The following AP2A1 variants were observed in gnomAD, a reference collection of about 807,000 sequenced individuals.
AP2A1 encodes adaptor related protein complex 2 subunit alpha 1.
In AP2A1, 21 loss-of-function variants were observed where a neutral mutation model predicts 107.3. The ratio of observed to expected loss-of-function variants is 0.20; its 90% CI spans 0.14 to 0.28. The LOEUF (loss-of-function observed/expected upper bound fraction) is 0.28, where lower values mean the gene tolerates loss of function less well. Among genes scored for constraint, AP2A1 ranks in the 10% least tolerant of loss-of-function variants. The pLI is 1.00. For missense variants in AP2A1, 873 were observed against 1,307.7 expected (o/e 0.67, Z 5.13); for synonymous variants, 602 against 564.8 (o/e 1.07, Z -0.93).
intron 11 of AP2A1, among the ~76,000 whole-genome samples, chr19:49,800,449 T>TTTTGTTTG (rs368442416): frequency 3.9e-5 from 6 of 152,128 alleles, no homozygotes; most frequent in Admixed American, 1.3e-4. Flanking sequence ...CAGTCCTGTT[T>TTTTGTTTG]TTTGTTTGTT....
chr19:49,803,339 C>T lies in AP2A1; in HGVS notation c.2307C>T (p.Phe769=), dbSNP rs369687403. 2.6e-4 allele frequency: 424 copies of T among 1,613,846 alleles called. No individual in the cohort carries two copies. Among genetic ancestry groups the T allele is most frequent in the Non-Finnish European group, 3.0e-4 (356 of 1,179,894 alleles). ...AGACCTCGGTGCAGTTCCAGAATTTCTCACCCACTGTGGTTCACCCGGGAG... is the reference window on the plus strand; with the variant it reads ...AGACCTCGGTGCAGTTCCAGAATTTTTCACCCACTGTGGTTCACCCGGGAG... ...GNKTSVQFQN[F]SPTVVHPGDL... The change falls in exon 18 of 23, where the codon TTC becomes TTT. Residue 769 remains phenylalanine, a synonymous_variant. Transcript: ENST00000354293.
At chr19:49,784,311 C>T (rs2084712073) in intron 4 of AP2A1, among the ~76,000 whole-genome samples, 1 of 152,088 alleles carries the variant, frequency 6.6e-6, no homozygotes, top group Non-Finnish European at 1.5e-5. Flanking sequence ...CCTGTAATCC[C>T]AGCTCCTCTG....
intron 1 of AP2A1, among the ~76,000 whole-genome samples, chr19:49,773,492 T>TTGAA (rs887671893): frequency 1.9e-4 from 29 of 152,238 alleles, no homozygotes; most frequent in African/African-American, 6.7e-4. Context: ...TGATTGCCAG[T>TTGAA]TGAATGAATG....
Position 49,788,900 on chromosome 19 carries a change from G to T in AP2A1, c.474-3035G>T, listed in dbSNP as rs972554001. On this transcript the variant is annotated intron_variant, in intron 4 of 22. Transcript: ENST00000354293. The surrounding 1 kb of genome is among the most constrained non-coding windows in gnomAD (Gnocchi z 4.5). ...GTGAGCGTCTGGGGGCAGCACTGCT[G>T]GTCTTGGTCTGCTGCACACACAGCA... Among the ~76,000 whole-genome samples, 1 of 152,198 alleles carries T rather than the reference G, an allele frequency of 6.6e-6. No individual in the cohort carries two copies. The highest frequency in any genetic ancestry group is 1.5e-5 in the Non-Finnish European group (1 of 68,028).
intron 1 of AP2A1, among the ~76,000 whole-genome samples, chr19:49,768,160 G>A (rs1034362531): frequency 2.6e-5 from 4 of 152,108 alleles, no homozygotes; most frequent in South Asian, 2.1e-4. Context: ...AGGACAGGCA[G>A]GGATCTGAGC....
intron 15 of AP2A1, 94 bp downstream of exon 15, chr19:49,802,235 G>A (rs372342266): frequency 3.6e-5 from 26 of 717,248 alleles, no homozygotes; most frequent in South Asian, 1.3e-4. Context: ...CCCCTCCCCC[G>A]CCCCCGACTC....
intron 1 of AP2A1, among the ~76,000 whole-genome samples, chr19:49,778,807 A>G (rs1038799025): frequency 6.6e-6 from 1 of 151,904 alleles, no homozygotes; most frequent in Non-Finnish European, 1.5e-5. Context: ...TAATACATAT[A>G]TTTAAATAAC....
At chr19:49,772,861 G>T (rs1403965487) in intron 1 of AP2A1, among the ~76,000 whole-genome samples, 2 of 152,066 alleles carry the variant, frequency 1.3e-5, no homozygotes, top group East Asian at 1.9e-4. Flanking sequence ...TGAGAAAAGG[G>T]CTGTGTGGCT....
At chr19:49,770,115 C>T (rs1416366790) in intron 1 of AP2A1, among the ~76,000 whole-genome samples, 4 of 152,130 alleles carry the variant, frequency 2.6e-5, no homozygotes, top group East Asian at 1.9e-4. Flanking sequence ...GTGATCTGCC[C>T]GCCTTGGCCT....
At chr19:49,773,157 G>C (rs12608893) in intron 1 of AP2A1, among the ~76,000 whole-genome samples, 18,283 of 152,156 alleles carry the variant, frequency 0.12, 1,239 homozygotes, top group East Asian at 0.2. Flanking sequence ...CAGATAAGGA[G>C]GGGGAGAGGT....
chr19:49,781,066 G>A (rs1459325277), intron 1 of AP2A1, among the ~76,000 whole-genome samples: 2 of 152,092 alleles, frequency 1.3e-5, no homozygotes, highest in Non-Finnish European at 2.9e-5. Context: ...GGTGCTGTAG[G>A]GCATTGAGGA....
intron 6 of AP2A1, among the ~76,000 whole-genome samples, chr19:49,793,867 A>T (rs991131788): frequency 2.0e-5 from 3 of 150,608 alleles, no homozygotes; most frequent in Admixed American, 6.6e-5. Flanking sequence ...AAAGAGAAGA[A>T]CACACCAGCT....
chr19:49,803,869 G>T, intron 18 of AP2A1: 1 of 163,866 alleles, frequency 6.1e-6, no homozygotes, highest in Non-Finnish European at 1.3e-5. Flanking sequence ...AAGGGCGGCT[G>T]GAGGTATCAG....
At chr19:49,805,141 T>A in intron 18 of AP2A1, 1 of 338,006 alleles carries the variant, frequency 3.0e-6, no homozygotes, top group Non-Finnish European at 5.4e-6. Context: ...TAAGAGAGGT[T>A]AAGTGGTTGC....
intron 4 of AP2A1, among the ~76,000 whole-genome samples, chr19:49,787,248 C>T (rs1183701312): frequency 2.0e-5 from 3 of 151,544 alleles, no homozygotes; most frequent in Non-Finnish European, 2.9e-5. Context: ...GTCTTGAACT[C>T]CAGAGCTCAA....
chr19:49,805,837 T>G, intron 20 of AP2A1, 35 bp from the exon 21 acceptor site: 1 of 1,613,108 alleles, frequency 6.2e-7, no homozygotes, highest in African/African-American at 1.3e-5. Flanking sequence ...GGTCGGGCCG[T>G]CCAGGTCCCT....
intron 6 of AP2A1, among the ~76,000 whole-genome samples, chr19:49,794,716 G>A (rs2073189831): frequency 6.6e-6 from 1 of 152,040 alleles, no homozygotes; most frequent in African/African-American, 2.4e-5. Flanking sequence ...AGGCTGGAGT[G>A]CAATGGCGTG....
At chr19:49,795,811 G>A (rs970464901) in intron 7 of AP2A1, 73 bp downstream of exon 7, 26 of 1,154,154 alleles carry the variant, frequency 2.3e-5, no homozygotes, top group Non-Finnish European at 3.0e-5. Flanking sequence ...GCTCCACGGC[G>A]CACCAGGTGG....
intron 4 of AP2A1, among the ~76,000 whole-genome samples, chr19:49,787,129 CCT>C (rs1004088068): frequency 6.6e-6 from 1 of 151,964 alleles, no homozygotes; most frequent in African/African-American, 2.4e-5. Flanking sequence ...ACCTCAGCCC[CCT>C]GAGTAGCTGT....
Sources: gnomAD v4.1 joint callset for allele counts (sites outside exome capture counted in the v4.1 genomes callset) on GRCh38, gnomAD v4.1.1 for gene constraint, Gnocchi (gnomAD v3.1) non-coding constraint, MANE v1.5 for transcripts, NCBI Gene and HGNC (gene_info 2026-07-23, HGNC 2026-07-21) for gene names.